Variants in MGAT4C observed in about 807,000 individuals in gnomAD.
The protein encoded by MGAT4C is MGAT4 family member C.
Under a neutral mutation model 40.1 loss-of-function variants are expected in MGAT4C, and 19 were observed. The observed-to-expected ratio is 0.47, with a 90% CI of 0.33 to 0.70. The LOEUF is 0.70. MGAT4C is among the 30% of genes least tolerant of loss of function. The pLI is 0.02. For missense variants in MGAT4C, 491 were observed against 563.2 expected (o/e 0.87, Z 1.30); for synonymous variants, 181 against 187.1 (o/e 0.97, Z 0.27).
intron 2 of MGAT4C, among the ~76,000 whole-genome samples, chr12:86,693,878 A>G (rs74363194): frequency 0.032 from 4,883 of 152,270 alleles, 136 homozygotes; most frequent in African/African-American, 0.077. Flanking sequence ...TTGAAAACTC[A>G]TCAGTTAGTT....
intron 3 of MGAT4C, among the ~76,000 whole-genome samples, chr12:86,405,215 T>C (rs371725661): frequency 5.1e-4 from 78 of 152,156 alleles, no homozygotes; most frequent in African/African-American, 1.8e-3. Flanking sequence ...AAACTGTTCC[T>C]ACTTGAAGAT....
chr12:86,110,197 G>T (rs1876984439), intron 1 of MGAT4C, among the ~76,000 whole-genome samples: 1 of 129,618 alleles, frequency 7.7e-6, no homozygotes. Context: ...TAGTGGCAAT[G>T]GAAGTATCTT....
At chr12:86,275,427 A>C (rs1482425032) in intron 4 of MGAT4C, among the ~76,000 whole-genome samples, 1 of 152,150 alleles carries the variant, frequency 6.6e-6, no homozygotes, top group African/African-American at 2.4e-5. Context: ...AATGTTAAGC[A>C]ATCAGTACAA....
At chr12:86,411,582 A>AT (rs1298380860) in intron 3 of MGAT4C, among the ~76,000 whole-genome samples, 2 of 152,186 alleles carry the variant, frequency 1.3e-5, no homozygotes. Flanking sequence ...CTATGCTTAT[A>AT]TTTTTTAGCA....
chr12:86,378,423 T>C (rs539470030), intron 3 of MGAT4C, among the ~76,000 whole-genome samples: 1 of 152,290 alleles, frequency 6.6e-6, no homozygotes, highest in East Asian at 1.9e-4. Context: ...TCTCTAGACA[T>C]TTGACTTGTA....
At chr12:86,584,682 T>A (rs1053824620) in intron 2 of MGAT4C, among the ~76,000 whole-genome samples, 1 of 151,396 alleles carries the variant, frequency 6.6e-6, no homozygotes, top group African/African-American at 2.4e-5. Context: ...ATATATACTT[T>A]AATGTTTAAA....
At position 86,640,606 on chromosome 12, in the gene MGAT4C, G is replaced by A. The variant is rs1277392116; in HGVS notation, c.-229+86603C>T. On this transcript the variant is annotated intron_variant, in intron 2 of 7. Coordinates refer to the MGAT4C transcript ENST00000548651. ...GTTTTTTGAGTCTCTATTTCCTTCA[G>A]TTCTACTCTGATTTTAGTTATTTCT... Among the ~76,000 whole-genome samples the A allele has an allele frequency of 1.1e-4, 17 of 152,010 alleles. No individual in the cohort carries two copies. In the East Asian group the frequency reaches 1.6e-3, roughly 14 times the overall value.
At chr12:86,322,555 G>GA (rs1459034255) in intron 4 of MGAT4C, among the ~76,000 whole-genome samples, 4 of 151,648 alleles carry the variant, frequency 2.6e-5, no homozygotes, top group South Asian at 2.1e-4. Flanking sequence ...TTATTGTTTA[G>GA]AAAAAAATGA....
chr12:86,323,556 G>A (rs935661646), intron 4 of MGAT4C, among the ~76,000 whole-genome samples: 2 of 151,546 alleles, frequency 1.3e-5, no homozygotes, highest in African/African-American at 4.8e-5. Context: ...TTTAATTTAA[G>A]GAAAATATAA....
intron 4 of MGAT4C, among the ~76,000 whole-genome samples, chr12:86,311,200 T>C (rs1954064467): frequency 6.6e-6 from 1 of 152,204 alleles, no homozygotes; most frequent in African/African-American, 2.4e-5. Context: ...CTAAATGGTG[T>C]AGCCTACTAC....
At chr12:86,645,541 G>T (rs1357380587) in intron 2 of MGAT4C, among the ~76,000 whole-genome samples, 1 of 151,490 alleles carries the variant, frequency 6.6e-6, no homozygotes, top group African/African-American at 2.4e-5. Context: ...GTACAATCTT[G>T]GCAATAATTT....
intron 1 of MGAT4C, among the ~76,000 whole-genome samples, chr12:86,142,620 G>T: frequency 6.6e-6 from 1 of 151,966 alleles, no homozygotes; most frequent in East Asian, 1.9e-4. Context: ...TATAGTAGGG[G>T]ATTGTTTATA....
chr12:86,441,879 G>A (rs1446434850), intron 2 of MGAT4C, among the ~76,000 whole-genome samples: 1 of 151,992 alleles, frequency 6.6e-6, no homozygotes, highest in African/African-American at 2.4e-5. Context: ...GGATGGCTGG[G>A]TCAAGGATCC....
chr12:86,250,416 G>T (rs1422522724), intron 1 of MGAT4C, among the ~76,000 whole-genome samples: 4 of 150,714 alleles, frequency 2.7e-5, no homozygotes, highest in African/African-American at 7.3e-5. Flanking sequence ...ACTATGTTAA[G>T]AATACAGAAC....
intron 3 of MGAT4C, among the ~76,000 whole-genome samples, chr12:86,407,705 A>T (rs1956503244): frequency 6.6e-6 from 1 of 152,002 alleles, no homozygotes; most frequent in African/African-American, 2.4e-5. Flanking sequence ...ATTCTGTATG[A>T]ATTTGTGAAT....
At chr12:85,994,146 C>A (rs1345124530) in intron 2 of MGAT4C, among the ~76,000 whole-genome samples, 2 of 152,316 alleles carry the variant, frequency 1.3e-5, no homozygotes, top group East Asian at 3.9e-4. Flanking sequence ...GTTCTGTCTA[C>A]AATAATTTGA....
chr12:86,321,389 T>C (rs1954382586), intron 4 of MGAT4C, among the ~76,000 whole-genome samples: 1 of 152,200 alleles, frequency 6.6e-6, no homozygotes, highest in Non-Finnish European at 1.5e-5. Flanking sequence ...CATTTACACT[T>C]GGATGAAGAT....
chr12:86,418,590 CAATA>C (rs57242289), intron 3 of MGAT4C, among the ~76,000 whole-genome samples: 30,545 of 145,560 alleles, frequency 0.21, 3,346 homozygotes, highest in African/African-American at 0.29. Context: ...GACTCCATCT[CAATA>C]AATAAATAAA....
At chr12:86,072,020 AG>A (rs1868586174) in intron 1 of MGAT4C, among the ~76,000 whole-genome samples, 2 of 94,556 alleles carry the variant, frequency 2.1e-5, no homozygotes, top group African/African-American at 9.4e-5. Flanking sequence ...GTTAATGCAT[AG>A]GGTTTTGTGT....
Sources: gnomAD v4.1 joint callset for allele counts (sites outside exome capture counted in the v4.1 genomes callset) on GRCh38, gnomAD v4.1.1 for gene constraint, MANE v1.5 for transcripts, NCBI Gene and HGNC (gene_info 2026-07-23, HGNC 2026-07-21) for gene names.